Variants in PBX3 observed in about 807,000 individuals in gnomAD.
PBX3 encodes the protein PBX homeobox 3.
A neutral mutation model predicts 48.5 loss-of-function variants in PBX3; 14 were observed. The observed-to-expected ratio is 0.29, with a 90% CI of 0.19 to 0.45. The LOEUF (loss-of-function observed/expected upper bound fraction) is 0.45, where lower values mean the gene tolerates loss of function less well. Among genes scored for constraint, PBX3 ranks in the 20% least tolerant of loss-of-function variants. The pLI is 1.00. For synonymous variants in PBX3, 210 were observed against 200.3 expected, an observed-to-expected ratio of 1.05 and a Z score of -0.41; for missense variants, 386 against 546.7, an observed-to-expected ratio of 0.71 and a Z score of 2.93.
intron 5 of PBX3, among the ~76,000 whole-genome samples, chr9:125,957,214 T>C (rs1842328364): frequency 6.6e-6 from 1 of 152,228 alleles, no homozygotes; most frequent in African/African-American, 2.4e-5. Flanking sequence ...AGGTTAAACA[T>C]AACGAATGAT....
intron 5 of PBX3, among the ~76,000 whole-genome samples, chr9:125,945,547 G>T (rs1477591014): frequency 6.6e-6 from 1 of 152,102 alleles, no homozygotes; most frequent in Non-Finnish European, 1.5e-5. Flanking sequence ...ACTGAACAAT[G>T]ATTTGTTAAA....
intron 2 of PBX3, among the ~76,000 whole-genome samples, chr9:125,826,361 T>G (rs1435572868): frequency 2.0e-5 from 3 of 152,216 alleles, no homozygotes; most frequent in African/African-American, 7.2e-5. Context: ...TTCAAAATGT[T>G]TTTATGTGAA....
intron 2 of PBX3, among the ~76,000 whole-genome samples, chr9:125,868,075 A>G (rs997454197): frequency 1.3e-5 from 2 of 151,870 alleles, no homozygotes; most frequent in South Asian, 2.1e-4. Context: ...GGGTCTCACA[A>G]TGTTGTCCAG....
At chr9:125,955,521 C>T (rs1842287329) in intron 5 of PBX3, among the ~76,000 whole-genome samples, 1 of 152,204 alleles carries the variant, frequency 6.6e-6, no homozygotes, top group Non-Finnish European at 1.5e-5. Flanking sequence ...TCAAAAGTTT[C>T]TGGGATCTCG....
At chr9:125,818,405 G>A (rs1280950800) in intron 2 of PBX3, among the ~76,000 whole-genome samples, 1 of 151,222 alleles carries the variant, frequency 6.6e-6, no homozygotes, top group Non-Finnish European at 1.5e-5. Flanking sequence ...CATGATCTCA[G>A]CTCACTACAG....
intron 2 of PBX3, among the ~76,000 whole-genome samples, chr9:125,848,703 A>G (rs1279216199): frequency 1.3e-5 from 2 of 151,998 alleles, no homozygotes; most frequent in Non-Finnish European, 2.9e-5. Flanking sequence ...CTGAGTGCCT[A>G]ATATTTTCTG....
chr9:125,749,082 G>A (rs1748049137), intron 2 of PBX3: 1 of 160,410 alleles, frequency 6.2e-6, no homozygotes, highest in South Asian at 1.7e-4. Context: ...ACAGACCCCA[G>A]TAGCATGCTT....
At chr9:125,929,585 T>C (rs1317300510) in intron 3 of PBX3, 70 bp from the exon 4 acceptor site, 1 of 1,108,424 alleles carries the variant, frequency 9.0e-7, no homozygotes, top group Non-Finnish European at 1.3e-6. Context: ...AGGTGTAAAT[T>C]CAGATGAGTG....
At chr9:125,818,822 G>T (rs530579605) in intron 2 of PBX3, among the ~76,000 whole-genome samples, 1 of 151,494 alleles carries the variant, frequency 6.6e-6, no homozygotes, top group African/African-American at 2.4e-5. Context: ...TTATTTTGAA[G>T]ATGATGATGA....
chr9:125,748,664 G>C, intron 2 of PBX3, 41 bp downstream of exon 2: 4 of 1,510,674 alleles, frequency 2.6e-6, no homozygotes, highest in Non-Finnish European at 3.7e-6. Context: ...AGACCCCCGA[G>C]GTGGGGGTCG....
intron 5 of PBX3, among the ~76,000 whole-genome samples, chr9:125,957,065 C>A (rs531407494): frequency 6.6e-6 from 1 of 152,324 alleles, no homozygotes; most frequent in South Asian, 2.1e-4. Context: ...ACATTAATTA[C>A]CCCATCTCAG....
At chr9:125,951,642 C>G (rs1469962174) in intron 5 of PBX3, among the ~76,000 whole-genome samples, 2 of 152,154 alleles carry the variant, frequency 1.3e-5, no homozygotes, top group African/African-American at 4.8e-5. Flanking sequence ...ATTTAACATG[C>G]CATCTCATTT....
At chr9:125,893,120 A>G (rs774766152) in intron 2 of PBX3, among the ~76,000 whole-genome samples, 9 of 152,226 alleles carry the variant, frequency 5.9e-5, no homozygotes, top group Non-Finnish European at 1.0e-4. Flanking sequence ...AGCAGCTGTA[A>G]GCAATCCTGT....
chr9:125,871,660 C>G (rs1403653396), intron 2 of PBX3, among the ~76,000 whole-genome samples: 2 of 152,106 alleles, frequency 1.3e-5, no homozygotes, highest in Non-Finnish European at 2.9e-5. Context: ...ACTGAAATAT[C>G]TTACTGATAA....
intron 5 of PBX3, 89 bp from the exon 6 acceptor site, chr9:125,960,595 G>A: frequency 8.8e-7 from 1 of 1,139,522 alleles, no homozygotes; most frequent in Non-Finnish European, 1.3e-6. Context: ...TGTCTCCCAA[G>A]GTATTGCCTT....
chr9:125,880,282 A>T (rs891747404), intron 2 of PBX3, among the ~76,000 whole-genome samples: 14 of 152,194 alleles, frequency 9.2e-5, no homozygotes, highest in African/African-American at 3.4e-4. Flanking sequence ...TGACCTCGTG[A>T]TCCGCCTGCC....
intron 2 of PBX3, among the ~76,000 whole-genome samples, chr9:125,827,887 A>C (rs535288508): frequency 6.6e-6 from 1 of 152,156 alleles, no homozygotes; most frequent in African/African-American, 2.4e-5. Flanking sequence ...TGATGTTGCC[A>C]AATTGCTTTC....
chr9:125,828,422 A>G (rs556307902), intron 2 of PBX3, among the ~76,000 whole-genome samples: 9 of 152,342 alleles, frequency 5.9e-5, no homozygotes, highest in East Asian at 1.9e-4. Context: ...ACAGAGCCCT[A>G]TAAGAAGGGA....
intron 5 of PBX3, among the ~76,000 whole-genome samples, chr9:125,946,066 G>A (rs1439122075): frequency 6.6e-6 from 1 of 152,072 alleles, no homozygotes; most frequent in Non-Finnish European, 1.5e-5. Flanking sequence ...ACCTGCTAAG[G>A]GATGCTTCCT....
Sources: gnomAD v4.1 joint callset for allele counts (sites outside exome capture counted in the v4.1 genomes callset) on GRCh38, gnomAD v4.1.1 for gene constraint, MANE v1.5 for transcripts, NCBI Gene and HGNC (gene_info 2026-07-23, HGNC 2026-07-21) for gene names.